LPL: variants seen among roughly 807,000 people sequenced by gnomAD.
LPL encodes lipoprotein lipase.
A neutral mutation model predicts 52.2 loss-of-function variants in LPL; 43 were observed. That is an observed-to-expected ratio of 0.82 (90% CI 0.64 to 1.06). The LOEUF is 1.06. LPL is among the 50% of genes least tolerant of loss of function. LPL has a pLI of 0.00. For missense variants in LPL, 639 were observed against 585.3 expected (o/e 1.09, Z -0.95); for synonymous variants, 244 against 215.6 (o/e 1.13, Z -1.15).
intron 1 of LPL, among the ~76,000 whole-genome samples, chr8:19,943,359 A>G (rs981087702): frequency 1.3e-5 from 2 of 152,224 alleles, no homozygotes; most frequent in African/African-American, 4.8e-5. Flanking sequence ...CATGACATCA[A>G]TAATGTACCT....
chr8:19,942,633 T>C (rs1171187477), intron 1 of LPL, among the ~76,000 whole-genome samples: 1 of 152,230 alleles, frequency 6.6e-6, no homozygotes, highest in Admixed American at 6.5e-5. Flanking sequence ...TGTCACATTC[T>C]GTCTTTGCAA....
At chr8:19,941,137 A>T (rs2069835502) in intron 1 of LPL, among the ~76,000 whole-genome samples, 1 of 152,200 alleles carries the variant, frequency 6.6e-6, no homozygotes, top group Non-Finnish European at 1.5e-5. Flanking sequence ...GATTCCATCA[A>T]AGCAAAATTG....
chr8:19,959,166 T>G, intron 6 of LPL, 94 bp from the exon 7 acceptor site: 706 of 1,487,600 alleles, frequency 4.7e-4, no homozygotes, highest in Non-Finnish European at 6.0e-4. Context: ...TGAGTGCTAG[T>G]GAGATACTTC....
chr8:19,959,779 T>G (rs1385788123), intron 7 of LPL, among the ~76,000 whole-genome samples: 2 of 83,524 alleles, frequency 2.4e-5, no homozygotes, highest in African/African-American at 5.7e-5. Flanking sequence ...TGTTAGCTCT[T>G]TTTTTTTTTT....
rs771085188 is a variant in LPL, at chr8:19,955,989, C to A, written c.924C>A (p.Asn308Lys). 10 of 1,614,056 alleles carry A rather than the reference C, an allele frequency of 6.2e-6. No homozygotes were observed. The East Asian group carries it at 6.7e-5, about 11-fold the overall frequency. The change falls in exon 6 of 10, where the codon AAC (asparagine) becomes AAA (lysine). Residue 308 changes from asparagine (N) to lysine (K), a missense_variant. Asn to Lys is a moderately conservative substitution (Grantham distance 94, BLOSUM62 0). Transcript: ENST00000650287. ...GGCTCTGCTTGAGTTGTAGAAAGAA[C>A]CGCTGCAACAATCTGGGCTATGAGA... ...EKGLCLSCRK[N>K]RCNNLGYEIN... is the part of the protein sequence containing the mutation.
At position 19,955,743 on chromosome 8, in the gene LPL, A is replaced by G. The variant is rs1041592708; in HGVS notation, c.776-98A>G. Reference sequence around the variant, plus strand: ...CAGGACTATATCCTTGGGTGATTCTACTCTAACACCACATCTCACCTATTT... The same window carrying G: ...CAGGACTATATCCTTGGGTGATTCTGCTCTAACACCACATCTCACCTATTT... On this transcript the variant is annotated intron_variant, in intron 5 of 9. Coordinates refer to ENST00000650287, the MANE Select transcript of LPL (RefSeq NM_000237.3). 17 of 1,461,772 alleles carry G rather than the reference A, an allele frequency of 1.2e-5. 1 individual carries two copies. The highest frequency in any genetic ancestry group is 2.1e-4 in the Middle Eastern group (1 of 4,748). The allele number at this position is 1,461,772 out of a possible 1,614,324, so 90.6% of individuals were successfully genotyped here.
chr8:19,953,393 G>T lies in LPL; in HGVS notation c.513G>T (p.Leu171=). The change falls in exon 4 of 10, where the codon CTG becomes CTT. Residue 171 remains leucine, a synonymous_variant. Coordinates refer to ENST00000650287, the MANE Select transcript of LPL (RefSeq NM_000237.3). Reference sequence around the variant, plus strand: ...ATGCTGCTGGCATTGCAGGAAGTCTGACCAATAAGAAAGTCAACAGAATTA... The same window carrying T: ...ATGCTGCTGGCATTGCAGGAAGTCTTACCAATAAGAAAGTCAACAGAATTA... The part of the protein sequence containing the change: ...GAHAAGIAGS[L]TNKKVNRITG... 3 of 1,613,856 alleles carry T rather than the reference G, an allele frequency of 1.9e-6. No homozygotes were observed. The South Asian group carries it at 3.3e-5, about 18-fold the overall frequency.
At chr8:19,951,667 A>G (rs1017893840) in intron 2 of LPL, 102 bp from the exon 3 acceptor site, 1 of 1,284,236 alleles carries the variant, frequency 7.8e-7, no homozygotes, top group Non-Finnish European at 1.1e-6. Context: ...ATGGGTTTCC[A>G]ATCAAGTTTG....
chr8:19,956,399 C>T (rs932440703), intron 6 of LPL, among the ~76,000 whole-genome samples: 12 of 152,214 alleles, frequency 7.9e-5, no homozygotes, highest in Admixed American at 1.3e-4. Context: ...CCATCCACCT[C>T]GGGTCAACAA....
chr8:19,959,242 G>T lies in LPL; in HGVS notation c.1019-18G>T. On this transcript the variant is annotated intron_variant, in intron 6 of 9. Transcript: ENST00000650287. ...TTCATAAAGATTGATCAACATGTTCGAATTTCCTCCCCAACAGTCTTCCAT... is the reference window on the plus strand; with the variant it reads ...TTCATAAAGATTGATCAACATGTTCTAATTTCCTCCCCAACAGTCTTCCAT... The T allele has an allele frequency of 6.2e-7, 1 of 1,613,944 alleles. No homozygotes were observed. The highest frequency in any genetic ancestry group is 1.1e-5 in the South Asian group (1 of 91,050).
chr8:19,960,600 CA>C (rs2070029601), intron 7 of LPL, among the ~76,000 whole-genome samples: 1 of 152,066 alleles, frequency 6.6e-6, no homozygotes, highest in Non-Finnish European at 1.5e-5. Flanking sequence ...AGTATCAACA[CA>C]AATTGAAAAG....
At chr8:19,956,727 A>G (rs1017061530) in intron 6 of LPL, among the ~76,000 whole-genome samples, 6 of 152,230 alleles carry the variant, frequency 3.9e-5, no homozygotes, top group Non-Finnish European at 5.9e-5. Context: ...TCATGCCACC[A>G]TAACAGAGTT....
At chr8:19,943,148 G>A (rs934424698) in intron 1 of LPL, among the ~76,000 whole-genome samples, 11 of 152,176 alleles carry the variant, frequency 7.2e-5, no homozygotes, top group African/African-American at 1.9e-4. Context: ...CTGTATTTTC[G>A]TAAATGTTGA....
chr8:19,939,640 G>C lies in LPL; in HGVS notation c.88+112G>C, dbSNP rs560163674. 30 of 1,109,400 alleles carry C rather than the reference G, an allele frequency of 2.7e-5. No homozygotes were observed. In the African/African-American group the frequency reaches 4.0e-4, roughly 15 times the overall value. 68.7% of individuals were successfully genotyped at this position (1,109,400 alleles called of 1,614,324 possible). A position where few individuals can be genotyped will look rare whatever the true frequency, so the allele number is the denominator to read the frequency against. Reference sequence around the variant, plus strand: ...GGAAGGGGCGGTGGATGCGCCCAGGGACTCTCCCAGCCTGGGCTCTAGCCC... The same window carrying C: ...GGAAGGGGCGGTGGATGCGCCCAGGCACTCTCCCAGCCTGGGCTCTAGCCC... On this transcript the variant is annotated intron_variant, in intron 1 of 9. Transcript: ENST00000650287. The surrounding 1 kb of genome is among the most constrained non-coding windows in gnomAD (Gnocchi z 4.0).
rs537144167 is a variant in LPL, at chr8:19,947,679, C to T, written c.89-501C>T. 2.3e-3 allele frequency among the ~76,000 whole-genome samples: 311 copies of T among 133,406 alleles called. 1 individual carries two copies. Among genetic ancestry groups the T allele is most frequent in the African/African-American group, 8.4e-3 (304 of 36,286 alleles). The allele number at this position is 133,406 out of a possible 152,430, so 87.5% of individuals were successfully genotyped here. A position where few individuals can be genotyped will look rare whatever the true frequency, so the allele number is the denominator to read the frequency against. Reference sequence around the variant, plus strand: ...CAACCCCCCCCCCGCCCCACACACACACAAATAGTGGAACTATAGCACACA... The same window carrying T: ...CAACCCCCCCCCCGCCCCACACACATACAAATAGTGGAACTATAGCACACA... On this transcript the variant is annotated intron_variant, in intron 1 of 9. Coordinates refer to ENST00000650287, the MANE Select transcript of LPL (RefSeq NM_000237.3).
At position 19,966,002 on chromosome 8, in the gene LPL, A is replaced by C. The variant is rs965418208; in HGVS notation, c.*692A>C. The C allele has an allele frequency of 2.0e-5, 3 of 152,020 alleles. No homozygotes were observed. The highest frequency in any genetic ancestry group is 7.2e-5 in the African/African-American group (3 of 41,390). The allele number at this position is 152,020 out of a possible 1,614,324, so 9.4% of individuals were successfully genotyped here. On this transcript the variant is annotated 3_prime_UTR_variant, in exon 10 of 10. Coordinates refer to ENST00000650287, the MANE Select transcript of LPL (RefSeq NM_000237.3). ...TAATTCTTAATAGGCTTTATCGTTTATTGCTTAATCCCTCTCTCCCCCTTC... is the reference window on the plus strand; with the variant it reads ...TAATTCTTAATAGGCTTTATCGTTTCTTGCTTAATCCCTCTCTCCCCCTTC...
intron 1 of LPL, among the ~76,000 whole-genome samples, chr8:19,941,240 C>T (rs1014583757): frequency 6.6e-6 from 1 of 152,186 alleles, no homozygotes; most frequent in African/African-American, 2.4e-5. Flanking sequence ...GGGTATGTTT[C>T]GTATGTTTCC....
At chr8:19,964,015 C>T (rs1028114857) in intron 9 of LPL, among the ~76,000 whole-genome samples, 2 of 151,728 alleles carry the variant, frequency 1.3e-5, no homozygotes, top group African/African-American at 4.8e-5. Flanking sequence ...TGTAGTGGCT[C>T]GATCTCAGCT....
chr8:19,960,033 C>T (rs1265378245), intron 7 of LPL, among the ~76,000 whole-genome samples: 2 of 151,810 alleles, frequency 1.3e-5, no homozygotes, highest in African/African-American at 2.4e-5. Context: ...AGGTGATCCA[C>T]CCGCCTCGGC....
Sources: gnomAD v4.1 joint callset for allele counts (sites outside exome capture counted in the v4.1 genomes callset) on GRCh38, gnomAD v4.1.1 for gene constraint, Gnocchi (gnomAD v3.1) non-coding constraint, MANE v1.5 for transcripts, NCBI Gene and HGNC (gene_info 2026-07-23, HGNC 2026-07-21) for gene names.